The following GMNN variants were observed in gnomAD, a reference collection of about 807,000 sequenced individuals.
GMNN encodes geminin DNA replication inhibitor.
A neutral mutation model predicts 20.9 loss-of-function variants in GMNN; 14 were observed. That is an observed-to-expected ratio of 0.67 (90% CI 0.44 to 1.05). The LOEUF (loss-of-function observed/expected upper bound fraction) is 1.05, where lower values mean the gene tolerates loss of function less well. Among genes scored for constraint, GMNN ranks in the 50% least tolerant of loss-of-function variants. The pLI is 0.00. For synonymous variants in GMNN, 81 were observed against 85.8 expected, an observed-to-expected ratio of 0.94 and a Z score of 0.31; for missense variants, 227 against 243.8, an observed-to-expected ratio of 0.93 and a Z score of 0.46.
Position 24,784,482 on chromosome 6 carries a change from C to T in GMNN, c.396C>T (p.Ala132=), listed in dbSNP as rs761138098. The change falls in exon 6 of 7, where the codon GCC becomes GCT. Residue 132 remains alanine, a synonymous_variant. Coordinates refer to ENST00000230056, the MANE Select transcript of GMNN (RefSeq NM_015895.5). ...KEIEQKDNEI[A]RLKKENKELA... ...TTGAACAAAAGGACAATGAAATTGC[C>T]CGCCTGAAAAAGGAGAATAAAGAAC... 1.3e-6 allele frequency: 2 copies of T among 1,585,400 alleles called. No homozygotes were observed. The highest frequency in any genetic ancestry group is 1.7e-6 in the Non-Finnish European group (2 of 1,154,190).
chr6:24,779,985 A>G (rs1330594894), intron 2 of GMNN, among the ~76,000 whole-genome samples: 1 of 152,174 alleles, frequency 6.6e-6, no homozygotes, highest in African/African-American at 2.4e-5. Context: ...TTTTGTGTAA[A>G]GTATGTTCTG....
intron 1 of GMNN, 21 bp downstream of exon 1, chr6:24,775,265 G>T (rs938875494): frequency 3.9e-5 from 6 of 152,366 alleles, no homozygotes; most frequent in African/African-American, 1.4e-4. Flanking sequence ...AGGGGTTGTT[G>T]AACGGTCGCG....
intron 1 of GMNN, among the ~76,000 whole-genome samples, chr6:24,776,478 C>T (rs962454280): frequency 5.9e-5 from 9 of 152,212 alleles, no homozygotes; most frequent in African/African-American, 1.4e-4. Context: ...TGTGTGTGCA[C>T]GCGCCAGGAC....
At chr6:24,777,122 ATAGT>A in intron 1 of GMNN, 96 bp from the exon 2 acceptor site, 1 of 432,600 alleles carries the variant, frequency 2.3e-6, no homozygotes. Flanking sequence ...AGAAAAAATA[ATAGT>A]TCTACTGTAC....
Position 24,777,271 on chromosome 6 carries a change from CAAG to C in GMNN, c.31_33del (p.Glu11del). On this transcript the variant is annotated inframe_deletion, in exon 2 of 7. Coordinates refer to ENST00000230056, the MANE Select transcript of GMNN (RefSeq NM_015895.5). ...AATGAATCCCAGTATGAAGCAGAAA[CAAG>C]AAGAAATCAAAGAGAATATAAAGGT... The C allele has an allele frequency of 1.4e-6, 2 of 1,408,314 alleles. No homozygotes were observed. The highest frequency in any genetic ancestry group is 2.0e-6 in the Non-Finnish European group (2 of 1,021,446). The allele number at this position is 1,408,314 out of a possible 1,614,324, so 87.2% of individuals were successfully genotyped here. A position where few individuals can be genotyped will look rare whatever the true frequency, so the allele number is the denominator to read the frequency against.
chr6:24,776,903 T>G (rs1224915430), intron 1 of GMNN: 2 of 169,056 alleles, frequency 1.2e-5, no homozygotes, highest in African/African-American at 4.7e-5. Flanking sequence ...CATACCCTAG[T>G]ATCTGTTTAT....
intron 2 of GMNN, among the ~76,000 whole-genome samples, chr6:24,778,521 T>G (rs549531064): frequency 9.3e-4 from 142 of 152,280 alleles, no homozygotes; most frequent in African/African-American, 3.3e-3. Context: ...TTTTTTTATA[T>G]TAAGTAAATT....
chr6:24,783,555 A>G (rs9467315), intron 4 of GMNN, among the ~76,000 whole-genome samples: 3,046 of 152,248 alleles, frequency 0.02, 107 homozygotes, highest in African/African-American at 0.069. Context: ...TTATCTTTAC[A>G]AGGCAGAAAT....
chr6:24,777,924 A>AT (rs1562190950), intron 2 of GMNN, among the ~76,000 whole-genome samples: 1 of 152,088 alleles, frequency 6.6e-6, no homozygotes, highest in African/African-American at 2.4e-5. Context: ...TATATTACAC[A>AT]TTTTTCTAGA....
chr6:24,781,227 T>A (rs1053322869), intron 3 of GMNN, among the ~76,000 whole-genome samples: 3 of 149,212 alleles, frequency 2.0e-5, no homozygotes, highest in South Asian at 2.1e-4. Context: ...AAAAATTTTT[T>A]AAAAAATAAA....
At chr6:24,784,038 G>C in intron 4 of GMNN, 49 bp from the exon 5 acceptor site, 1 of 827,086 alleles carries the variant, frequency 1.2e-6, no homozygotes, top group Non-Finnish European at 2.0e-6. Context: ...CAAATTACTG[G>C]GTTTTGACAG....
intron 2 of GMNN, 122 bp from the exon 3 acceptor site, chr6:24,780,541 G>C (rs756308822): frequency 3.4e-6 from 2 of 591,624 alleles, no homozygotes; most frequent in Non-Finnish European, 6.2e-6. Context: ...TGTGTTGTTA[G>C]TGTTCCTTTT....
intron 1 of GMNN, chr6:24,775,617 GA>G (rs1780045081): frequency 6.6e-6 from 1 of 152,302 alleles, no homozygotes; most frequent in Non-Finnish European, 1.5e-5. Flanking sequence ...CTCATGGAAA[GA>G]GGTGGCTGAA....
At chr6:24,776,688 C>A (rs1780079940) in intron 1 of GMNN, among the ~76,000 whole-genome samples, 1 of 152,160 alleles carries the variant, frequency 6.6e-6, no homozygotes, top group African/African-American at 2.4e-5. Context: ...TTACATAGAT[C>A]CCTTTCTACC....
intron 2 of GMNN, 64 bp from the exon 3 acceptor site, chr6:24,780,599 C>T (rs1780185255): frequency 1.1e-6 from 1 of 910,618 alleles, no homozygotes; most frequent in Admixed American, 1.7e-5. Flanking sequence ...CATACAGAAA[C>T]TCAGTAACTA....
At chr6:24,778,173 C>A (rs945834568) in intron 2 of GMNN, among the ~76,000 whole-genome samples, 11 of 152,186 alleles carry the variant, frequency 7.2e-5, no homozygotes, top group African/African-American at 2.7e-4. Flanking sequence ...GGAATTGGAT[C>A]ACATCTTCAG....
chr6:24,785,472 G>A (rs1010931936), intron 6 of GMNN, among the ~76,000 whole-genome samples, 166 bp from the exon 7 acceptor site: 1 of 152,060 alleles, frequency 6.6e-6, no homozygotes, highest in African/African-American at 2.4e-5. Context: ...GATCTAGCAT[G>A]GTAGAGACTT....
At chr6:24,778,846 A>G (rs1780139164) in intron 2 of GMNN, among the ~76,000 whole-genome samples, 1 of 152,180 alleles carries the variant, frequency 6.6e-6, no homozygotes, top group Non-Finnish European at 1.5e-5. Context: ...GGTTTCATCT[A>G]TGTCCTTATT....
chr6:24,780,801 C>G (rs915744320), intron 3 of GMNN, 61 bp downstream of exon 3: 19 of 797,948 alleles, frequency 2.4e-5, no homozygotes, highest in Admixed American at 5.6e-5. Context: ...GAAAACATTT[C>G]TACTATTTTC....
Sources: allele counts gnomAD v4.1 joint callset (sites outside exome capture counted in the v4.1 genomes callset), GRCh38; gene constraint gnomAD v4.1.1; transcripts MANE v1.5; gene names NCBI Gene and HGNC (gene_info 2026-07-23, HGNC 2026-07-21).